The following MCUB variants were observed in gnomAD, a reference collection of about 807,000 sequenced individuals.
MCUB encodes the protein mitochondrial calcium uniporter dominant negative subunit beta, also known as calcium uniporter regulatory subunit MCUb, mitochondrial.
Under a neutral mutation model 41.4 loss-of-function variants are expected in MCUB, and 46 were observed. The observed-to-expected ratio is 1.11, with a 90% CI of 0.88 to 1.42. The LOEUF (loss-of-function observed/expected upper bound fraction) is 1.42, where lower values mean the gene tolerates loss of function less well. Ranked by LOEUF, MCUB falls within the 40% of genes most tolerant of loss-of-function variation. The pLI is 0.00. For synonymous variants in MCUB, 148 were observed against 148.2 expected (o/e 1.00, Z 0.01); for missense variants, 403 against 404.9 (o/e 1.00, Z 0.04).
intron 1 of MCUB, among the ~76,000 whole-genome samples, chr4:109,562,733 C>T (rs1726671367): frequency 6.6e-6 from 1 of 152,180 alleles, no homozygotes. Flanking sequence ...TTCAAATAAG[C>T]GTTCCCAACT....
intron 1 of MCUB, among the ~76,000 whole-genome samples, chr4:109,616,535 A>G (rs1383719930): frequency 1.3e-5 from 2 of 152,052 alleles, no homozygotes; most frequent in Admixed American, 6.5e-5. Context: ...GCCCAGCTCT[A>G]TTTTGCTTTT....
At chr4:109,643,141 C>T (rs946211626) in intron 1 of MCUB, among the ~76,000 whole-genome samples, 1 of 151,852 alleles carries the variant, frequency 6.6e-6, no homozygotes, top group Non-Finnish European at 1.5e-5. Flanking sequence ...TTTTTTTAAA[C>T]ATCCAAGAGA....
chr4:109,593,640 A>G (rs1343068184), intron 1 of MCUB, among the ~76,000 whole-genome samples: 1 of 152,248 alleles, frequency 6.6e-6, no homozygotes, highest in African/African-American at 2.4e-5. Flanking sequence ...GAAAGAAGGA[A>G]AAGACTTACT....
intron 4 of MCUB, among the ~76,000 whole-genome samples, chr4:109,680,126 C>CAGA (rs1050747598): frequency 6.6e-6 from 1 of 152,116 alleles, no homozygotes; most frequent in African/African-American, 2.4e-5. Context: ...TTTTATCACC[C>CAGA]AGACCTGTCT....
At chr4:109,583,318 T>C (rs189595077) in intron 1 of MCUB, among the ~76,000 whole-genome samples, 45 of 152,310 alleles carry the variant, frequency 3.0e-4, no homozygotes, top group African/African-American at 1.0e-3. Context: ...TTATTCTCTT[T>C]GAAGCAATTG....
chr4:109,607,015 A>G (rs1727891318), intron 1 of MCUB, among the ~76,000 whole-genome samples: 3 of 151,976 alleles, frequency 2.0e-5, no homozygotes, highest in Admixed American at 6.6e-5. Context: ...CCAAAGTGCT[A>G]AGATTACAGG....
intron 1 of MCUB, among the ~76,000 whole-genome samples, chr4:109,638,430 C>A (rs1018386542): frequency 2.2e-5 from 3 of 139,470 alleles, no homozygotes; most frequent in African/African-American, 5.4e-5. Context: ...AAAAAAAAAA[C>A]CATACATTAA....
chr4:109,682,918 A>G, intron 5 of MCUB, 176 bp downstream of exon 5: 1 of 549,982 alleles, frequency 1.8e-6, no homozygotes, highest in Non-Finnish European at 3.2e-6. Context: ...GAGGAAACTG[A>G]GCAACAGAGC....
intron 1 of MCUB, among the ~76,000 whole-genome samples, chr4:109,623,944 G>T (rs540555803): frequency 1.3e-5 from 2 of 152,170 alleles, no homozygotes; most frequent in African/African-American, 4.8e-5. Flanking sequence ...TGAATTCCTG[G>T]ACTCAAATGA....
intron 4 of MCUB, among the ~76,000 whole-genome samples, chr4:109,667,275 T>C (rs1729365212): frequency 1.3e-5 from 2 of 152,256 alleles, no homozygotes; most frequent in African/African-American, 4.8e-5. Context: ...GGTATAGGCT[T>C]ATGTAGATTG....
At chr4:109,658,620 C>T (rs1419102549) in intron 1 of MCUB, among the ~76,000 whole-genome samples, 1 of 151,996 alleles carries the variant, frequency 6.6e-6, no homozygotes, top group African/African-American at 2.4e-5. Context: ...TTAATTAGCC[C>T]CAAGATGCTC....
Position 109,687,912 on chromosome 4 carries a change from C to CTTAA in MCUB, c.*323_*326dup, listed in dbSNP as rs1300471259. The CTTAA allele has an allele frequency of 9.4e-6, 2 of 212,128 alleles. No homozygotes were observed. The highest frequency in any genetic ancestry group is 1.8e-5 in the Non-Finnish European group (2 of 108,212). 13.1% of individuals were successfully genotyped at this position (212,128 alleles called of 1,614,324 possible). A position where few individuals can be genotyped will look rare whatever the true frequency, so the allele number is the denominator to read the frequency against. ...CTTGGCATTCACTTCCATTCTTAGA[C>CTTAA]TTAATTTGGAATCATCCTTTTAAAA... On this transcript the variant is annotated 3_prime_UTR_variant, in exon 8 of 8. Transcript: ENST00000394650.
In MCUB at chr4:109,562,211, T is replaced by G. The variant is rs183407985; in HGVS notation, c.99+1775T>G. ...GCCATTGCATACCTCAGCAGGAATG[T>G]GGATACCCTTTTAAAAGAAAATGGT... On this transcript the variant is annotated intron_variant, in intron 1 of 7. Transcript: ENST00000394650. 3.2e-3 allele frequency among the ~76,000 whole-genome samples: 490 copies of G among 152,306 alleles called. 1 individual carries two copies. Among genetic ancestry groups the G allele is most frequent in the African/African-American group, 0.011 (457 of 41,552 alleles).
chr4:109,607,980 T>A (rs1727919638), intron 1 of MCUB, among the ~76,000 whole-genome samples: 2 of 152,222 alleles, frequency 1.3e-5, no homozygotes, highest in South Asian at 4.1e-4. Context: ...AATTTCTACC[T>A]CTGTCTCTTT....
chr4:109,667,838 G>A (rs1399036710), intron 4 of MCUB, among the ~76,000 whole-genome samples: 2 of 150,682 alleles, frequency 1.3e-5, no homozygotes, highest in African/African-American at 4.9e-5. Flanking sequence ...CATAAATTTT[G>A]ATAAGTTGTA....
In MCUB at chr4:109,585,140, G is replaced by T. The variant is rs538235384; in HGVS notation, c.99+24704G>T. On this transcript the variant is annotated intron_variant, in intron 1 of 7. Transcript: ENST00000394650. ...ATGGATCTGGGTGCTCCTGTATTGG[G>T]TGCATATATATTTAGGATAGTTAGC... is the stretch of plus-strand genomic sequence containing the variant. 7.9e-5 allele frequency among the ~76,000 whole-genome samples: 12 copies of T among 152,254 alleles called. No homozygotes were observed. In the South Asian group the frequency reaches 2.5e-3, roughly 32 times the overall value.
intron 4 of MCUB, among the ~76,000 whole-genome samples, chr4:109,665,429 C>T (rs1729320582): frequency 6.6e-6 from 1 of 152,048 alleles, no homozygotes; most frequent in South Asian, 2.1e-4. Flanking sequence ...TTTAAAGTTG[C>T]AGTTTTCAAG....
intron 1 of MCUB, among the ~76,000 whole-genome samples, chr4:109,567,554 A>T (rs1726811393): frequency 1.3e-4 from 17 of 127,468 alleles, no homozygotes; most frequent in Admixed American, 4.8e-4. Context: ...CGTGCCTGTA[A>T]TCCCACCACC....
intron 1 of MCUB, among the ~76,000 whole-genome samples, chr4:109,655,563 G>C (rs191015488): frequency 4.0e-4 from 61 of 152,186 alleles, no homozygotes; most frequent in Admixed American, 3.9e-3. Context: ...GAAATTCCAA[G>C]GGATTCAGGA....
Sources: allele counts gnomAD v4.1 joint callset (sites outside exome capture counted in the v4.1 genomes callset), GRCh38; gene constraint gnomAD v4.1.1; transcripts MANE v1.5; gene names NCBI Gene and HGNC (gene_info 2026-07-23, HGNC 2026-07-21).